DNAH6: variants seen among roughly 807,000 people sequenced by gnomAD.
The protein encoded by DNAH6 is dynein axonemal heavy chain 6.
DNAH6 carries 340 observed loss-of-function variants against 491.4 expected under a neutral mutation model. The observed-to-expected ratio is 0.69, with a 90% confidence interval of 0.63 to 0.76. The LOEUF (loss-of-function observed/expected upper bound fraction) is 0.76, where lower values mean the gene tolerates loss of function less well. Ranked by LOEUF, DNAH6 falls within the 30% of genes least tolerant of loss-of-function variation. The pLI is 0.00. For missense variants in DNAH6, 4,443 were observed against 4,972.2 expected (o/e 0.89, Z 3.20); for synonymous variants, 1,603 against 1,686.1 (o/e 0.95, Z 1.21).
At chr2:84,620,983 G>A (rs1687342476) in intron 24 of DNAH6, among the ~76,000 whole-genome samples, 1 of 152,172 alleles carries the variant, frequency 6.6e-6, no homozygotes, top group African/African-American at 2.4e-5. Context: ...CCTCTTTCAG[G>A]GAGTTGACTC....
Position 84,785,758 on chromosome 2 carries a change from T to C in DNAH6, c.11100+2T>C. The stretch of plus-strand genomic sequence containing the variant: ...TGTTTCTTCCATGCAATTATTCAGG[T>C]ACACTCAACTCTGCTTTTCAATAGC... On this transcript the variant is annotated splice_donor_variant, in intron 67 of 76. Coordinates refer to ENST00000389394, the MANE Select transcript of DNAH6 (RefSeq NM_001370.2). LOFTEE classifies it high-confidence loss of function. The C allele has an allele frequency of 6.5e-7, 1 of 1,527,718 alleles. No homozygotes were observed. Among genetic ancestry groups the C allele is most frequent in the Non-Finnish European group, 8.8e-7 (1 of 1,137,830 alleles). 94.6% of individuals were successfully genotyped at this position (1,527,718 alleles called of 1,614,324 possible). A position where few individuals can be genotyped will look rare whatever the true frequency, so the allele number is the denominator to read the frequency against.
chr2:84,760,887 A>G (rs1674513681), intron 63 of DNAH6, among the ~76,000 whole-genome samples: 1 of 152,204 alleles, frequency 6.6e-6, no homozygotes, highest in Non-Finnish European at 1.5e-5. Context: ...CTGGGATTAC[A>G]GGCATGAGCC....
At chr2:84,570,982 C>G (rs1573055097) in intron 11 of DNAH6, among the ~76,000 whole-genome samples, 1 of 152,162 alleles carries the variant, frequency 6.6e-6, no homozygotes. Context: ...CTGTAACACT[C>G]ACCGTGAGAG....
intron 12 of DNAH6, among the ~76,000 whole-genome samples, chr2:84,574,309 C>T (rs1486043257): frequency 6.6e-6 from 1 of 151,746 alleles, no homozygotes; most frequent in Admixed American, 6.6e-5. Flanking sequence ...CTTTCAATTC[C>T]TTATTGTTTA....
intron 34 of DNAH6, among the ~76,000 whole-genome samples, chr2:84,654,402 G>A (rs552993613): frequency 1.5e-4 from 23 of 151,930 alleles, no homozygotes; most frequent in African/African-American, 5.3e-4. Context: ...AGAGAAGAAA[G>A]AAAAAAATAA....
At chr2:84,719,899 G>C (rs191490895) in intron 59 of DNAH6, among the ~76,000 whole-genome samples, 11 of 129,164 alleles carry the variant, frequency 8.5e-5, no homozygotes, top group East Asian at 2.2e-4. Context: ...CACACACACA[G>C]ACACACACAC....
In DNAH6 at chr2:84,653,561, A is replaced by T; in HGVS notation, c.5321A>T (p.Gln1774Leu). 6.4e-7 allele frequency: 1 copy of T among 1,551,360 alleles called. No homozygotes were observed. ...CTAGCAGAAACTTTAGGGAATTTAC[A>T]AAAACTTGGGATAGAAAATTCCTTT... The part of the protein sequence containing the change: ...RILAETLGNL[Q>L]KLGIENSFYQ... The change falls in exon 34 of 77, where the codon CAA becomes CTA. Residue 1774 changes from glutamine (Q) to leucine (L), a missense_variant. Around this residue, in one of 3 missense-constraint regions of DNAH6, gnomAD observed 2,977 missense variants for 3,296.6 expected, o/e 0.90. Coordinates refer to ENST00000389394, the MANE Select transcript of DNAH6 (RefSeq NM_001370.2).
intron 59 of DNAH6, among the ~76,000 whole-genome samples, chr2:84,722,320 G>A (rs951736970): frequency 7.2e-5 from 11 of 152,152 alleles, no homozygotes; most frequent in African/African-American, 2.2e-4. Context: ...GGAGTGCTGT[G>A]ATGGTGTTTG....
intron 35 of DNAH6, among the ~76,000 whole-genome samples, chr2:84,655,843 C>G (rs1690912744): frequency 6.6e-6 from 1 of 152,036 alleles, no homozygotes; most frequent in Non-Finnish European, 1.5e-5. Context: ...AGAGTTCACT[C>G]TTTGTGTGCA....
At chr2:84,752,229 GT>G (rs1178536657) in intron 63 of DNAH6, among the ~76,000 whole-genome samples, 1 of 152,192 alleles carries the variant, frequency 6.6e-6, no homozygotes, top group Non-Finnish European at 1.5e-5. Flanking sequence ...GCAGTGTTAA[GT>G]CCTTATTGTT....
Position 84,669,483 on chromosome 2 carries a change from G to C in DNAH6, c.6279G>C (p.Leu2093Phe). The C allele has an allele frequency of 6.4e-7, 1 of 1,551,772 alleles. No individual in the cohort carries two copies. The change falls in exon 38 of 77, where the codon TTG becomes TTC. Residue 2093 changes from leucine (L) to phenylalanine (F), a missense_variant. By Grantham distance (22) the Leu-to-Phe change is conservative. Transcript: ENST00000389394. ...TACTGGCAGTCAAGCATTCCGTGTT[G>C]TTTACTGGAATAACTGGAGTGGGCA... ...EKLLAVKHSV[L>F]FTGITGVGKS...
At chr2:84,721,725 A>G (rs1056424922) in intron 59 of DNAH6, among the ~76,000 whole-genome samples, 1 of 152,218 alleles carries the variant, frequency 6.6e-6, no homozygotes, top group African/African-American at 2.4e-5. Flanking sequence ...TGTGGCTCAC[A>G]TTATATTTCC....
chr2:84,485,904 C>T, the DNAH6 span, among the ~76,000 whole-genome samples: 9 of 151,718 alleles, frequency 5.9e-5, no homozygotes, highest in African/African-American at 2.2e-4. Flanking sequence ...TGGCCTTGTC[C>T]CCAAACTCCA....
intron 4 of DNAH6, among the ~76,000 whole-genome samples, chr2:84,536,567 T>C (rs1013472630): frequency 3.5e-5 from 1 of 28,600 alleles, no homozygotes; most frequent in Non-Finnish European, 1.2e-4. Flanking sequence ...CAACACTGCA[T>C]CAAAGAAAGA....
At chr2:84,699,187 T>C (rs1471941398) in intron 47 of DNAH6, among the ~76,000 whole-genome samples, 1 of 151,250 alleles carries the variant, frequency 6.6e-6, no homozygotes, top group African/African-American at 2.4e-5. Context: ...AAAATAAAAG[T>C]TGAAAAAGAA....
chr2:84,704,601 A>C (rs1696253753), intron 51 of DNAH6, among the ~76,000 whole-genome samples: 1 of 152,200 alleles, frequency 6.6e-6, no homozygotes, highest in South Asian at 2.1e-4. Flanking sequence ...AACAGTGCCT[A>C]AGCCCAGCTG....
chr2:84,564,924 G>A (rs571300804), intron 11 of DNAH6, among the ~76,000 whole-genome samples: 1 of 152,118 alleles, frequency 6.6e-6, no homozygotes, highest in Non-Finnish European at 1.5e-5. Context: ...ATCAAAAGCT[G>A]TTTCTGTGTC....
At chr2:84,714,770 CAG>C (rs987636593) in intron 57 of DNAH6, among the ~76,000 whole-genome samples, 5 of 151,682 alleles carry the variant, frequency 3.3e-5, no homozygotes, top group African/African-American at 9.7e-5. Flanking sequence ...AGCTCTGTAA[CAG>C]GGGGCAAATT....
In DNAH6 at chr2:84,742,464, G is replaced by A. The variant is rs575742600; in HGVS notation, c.10343-2616G>A. Among the ~76,000 whole-genome samples, 343 of 152,232 alleles carry A rather than the reference G, an allele frequency of 2.3e-3. 2 individuals carry two copies. Among genetic ancestry groups the A allele is most frequent in the Non-Finnish European group, 4.0e-3 (271 of 68,024 alleles). On this transcript the variant is annotated intron_variant, in intron 62 of 76. Transcript: ENST00000389394. ...GAGACATTTTTGTTTGCCACAACTG[G>A]GGTGGTGCTACTGGCGTCTGGTGGG...
Sources: gnomAD v4.1 joint callset for allele counts (sites outside exome capture counted in the v4.1 genomes callset) on GRCh38, gnomAD v4.1.1 for gene constraint, gnomAD v4.1.1 regional missense constraint, MANE v1.5 for transcripts, NCBI Gene and HGNC (gene_info 2026-07-23, HGNC 2026-07-21) for gene names.